AGBL4: variants seen among roughly 807,000 people sequenced by gnomAD.
The protein encoded by AGBL4 is cytosolic carboxypeptidase 6.
Under a neutral mutation model 66.4 loss-of-function variants are expected in AGBL4, and 58 were observed. The observed-to-expected ratio is 0.87, with a 90% CI of 0.71 to 1.09. The LOEUF (loss-of-function observed/expected upper bound fraction) is 1.09. AGBL4 is among the 50% of genes least tolerant of loss of function. AGBL4 has a pLI of 0.00. For synonymous variants in AGBL4, 234 were observed against 222.9 expected (o/e 1.05, Z -0.44); for missense variants, 579 against 631.0 (o/e 0.92, Z 0.88).
At chr1:48,782,230 CT>C (rs1645313280) in intron 6 of AGBL4, among the ~76,000 whole-genome samples, 1 of 152,226 alleles carries the variant, frequency 6.6e-6, no homozygotes, top group South Asian at 2.1e-4. Context: ...GCCAAATGTG[CT>C]TTGCCTTTCA....
rs376034974 is a variant in AGBL4 at position 49,456,196 on chromosome 1, T to C, written c.283-210332A>G. On this transcript the variant is annotated intron_variant, in intron 3 of 13. Transcript: ENST00000371839. ...CAACTCAGTAAGCACCAGATAGTGTTGAGTGAGTGTTGAAACTCAGGCTAG... is the reference window on the plus strand; with the variant it reads ...CAACTCAGTAAGCACCAGATAGTGTCGAGTGAGTGTTGAAACTCAGGCTAG... Among the ~76,000 whole-genome samples the C allele has an allele frequency of 3.5e-4, 53 of 151,872 alleles. 1 individual carries two copies. The South Asian group carries it at 9.7e-3, about 28-fold the overall frequency.
At chr1:48,636,610 G>C (rs1645671987) in intron 8 of AGBL4, among the ~76,000 whole-genome samples, 1 of 152,152 alleles carries the variant, frequency 6.6e-6, no homozygotes, top group African/African-American at 2.4e-5. Context: ...TTTCAGAAAG[G>C]AAACATTCAA....
At chr1:48,609,156 A>T (rs985217262) in intron 9 of AGBL4, among the ~76,000 whole-genome samples, 1 of 152,130 alleles carries the variant, frequency 6.6e-6, no homozygotes, top group African/African-American at 2.4e-5. Flanking sequence ...ATGGATGGAT[A>T]CATGCTGAGA....
intron 5 of AGBL4, among the ~76,000 whole-genome samples, chr1:48,908,222 C>A (rs1440311459): frequency 6.6e-6 from 1 of 152,142 alleles, no homozygotes; most frequent in Non-Finnish European, 1.5e-5. Context: ...TGTAATTATG[C>A]CAAATCCCAG....
At chr1:48,806,801 G>T (rs1443646894) in intron 6 of AGBL4, among the ~76,000 whole-genome samples, 2 of 152,184 alleles carry the variant, frequency 1.3e-5, no homozygotes, top group Admixed American at 1.3e-4. Context: ...ACTTGCCAAG[G>T]CTTTTCAGGA....
intron 3 of AGBL4, among the ~76,000 whole-genome samples, chr1:49,382,745 G>C (rs1378372552): frequency 6.6e-6 from 1 of 152,156 alleles, no homozygotes; most frequent in Non-Finnish European, 1.5e-5. Flanking sequence ...CAGAGAGCAT[G>C]ATCTTACATG....
chr1:48,881,505 G>C (rs1649778267), intron 5 of AGBL4, among the ~76,000 whole-genome samples: 1 of 152,138 alleles, frequency 6.6e-6, no homozygotes, highest in Non-Finnish European at 1.5e-5. Flanking sequence ...GTAGCACTGG[G>C]AATATCCACT....
intron 4 of AGBL4, among the ~76,000 whole-genome samples, chr1:49,163,670 A>G (rs1192943226): frequency 6.6e-6 from 1 of 152,214 alleles, no homozygotes; most frequent in Middle Eastern, 3.2e-3. Context: ...ACAAATGAAA[A>G]TCAATCACAC....
At chr1:48,739,926 C>A (rs1420282050) in intron 6 of AGBL4, among the ~76,000 whole-genome samples, 2 of 152,210 alleles carry the variant, frequency 1.3e-5, no homozygotes, top group African/African-American at 4.8e-5. Flanking sequence ...TCACTTAGAG[C>A]CTTTGCCACC....
At chr1:49,154,841 TATTG>T (rs1283504858) in intron 4 of AGBL4, among the ~76,000 whole-genome samples, 1 of 152,058 alleles carries the variant, frequency 6.6e-6, no homozygotes, top group Admixed American at 6.5e-5. Flanking sequence ...TGCTCCAACA[TATTG>T]ATTGTTTTTT....
chr1:48,783,767 A>AT (rs1483859095), intron 6 of AGBL4, among the ~76,000 whole-genome samples: 6 of 151,916 alleles, frequency 3.9e-5, no homozygotes, highest in East Asian at 1.9e-4. Context: ...CTAGGCATTG[A>AT]TTTTTTTTGT....
In AGBL4 at chr1:49,841,829, C is replaced by T. The variant is rs139954417; in HGVS notation, c.157+9567G>A. The T allele has an allele frequency of 6.9e-5, 28 of 407,638 alleles. No individual in the cohort carries two copies. In the East Asian group the frequency reaches 1.0e-3, roughly 15 times the overall value. 25.3% of individuals were successfully genotyped at this position (407,638 alleles called of 1,614,324 possible). A position where few individuals can be genotyped will look rare whatever the true frequency, so the allele number is the denominator to read the frequency against. On this transcript the variant is annotated intron_variant, in intron 2 of 13. Transcript: ENST00000371839. ...AAAAAAAAAAATCCCACCGGCACCA[C>T]GGCCTTTGTCTCACAGTCAGGCGGA...
At chr1:49,236,958 A>T (rs959338141) in intron 4 of AGBL4, among the ~76,000 whole-genome samples, 6 of 151,962 alleles carry the variant, frequency 3.9e-5, no homozygotes, top group African/African-American at 1.2e-4. Flanking sequence ...GAATCATGAG[A>T]TCTGATGATG....
intron 4 of AGBL4, among the ~76,000 whole-genome samples, chr1:49,064,114 C>T (rs1433188470): frequency 6.6e-6 from 1 of 152,166 alleles, no homozygotes; most frequent in East Asian, 1.9e-4. Flanking sequence ...TAATAAAATA[C>T]AGGTAAAGCT....
At chr1:48,926,569 A>G (rs368880009) in intron 5 of AGBL4, among the ~76,000 whole-genome samples, 3 of 151,928 alleles carry the variant, frequency 2.0e-5, no homozygotes, top group Non-Finnish European at 4.4e-5. Flanking sequence ...GATTACAGGT[A>G]TGAGGCGTCA....
chr1:49,739,107 G>T (rs1034293170), intron 2 of AGBL4, among the ~76,000 whole-genome samples: 1 of 152,150 alleles, frequency 6.6e-6, no homozygotes, highest in Admixed American at 6.5e-5. Context: ...AAACTACTCT[G>T]AGCTAAAGGA....
chr1:49,147,294 A>T (rs1197990603), intron 4 of AGBL4, among the ~76,000 whole-genome samples: 1 of 152,212 alleles, frequency 6.6e-6, no homozygotes, highest in Admixed American at 6.5e-5. Flanking sequence ...ATTTAAACCC[A>T]GAGCTCTGTG....
intron 2 of AGBL4, among the ~76,000 whole-genome samples, chr1:49,705,406 C>T (rs143111665): frequency 9.0e-4 from 136 of 151,794 alleles, no homozygotes; most frequent in African/African-American, 3.1e-3. Flanking sequence ...TATTTGAATA[C>T]GCTTTATTTC....
chr1:49,793,079 T>C (rs1644642397), intron 2 of AGBL4, among the ~76,000 whole-genome samples: 1 of 152,030 alleles, frequency 6.6e-6, no homozygotes, highest in East Asian at 1.9e-4. Flanking sequence ...TTACTCTCTA[T>C]CCTCTTATTT....
Sources: allele counts gnomAD v4.1 joint callset (sites outside exome capture counted in the v4.1 genomes callset), GRCh38; gene constraint gnomAD v4.1.1; transcripts MANE v1.5; gene names NCBI Gene and HGNC (gene_info 2026-07-23, HGNC 2026-07-21).